GALNT15: variants seen among roughly 807,000 people sequenced by gnomAD.
The protein encoded by GALNT15 is polypeptide N-acetylgalactosaminyltransferase 15, also known as UDP-GalNAc transferase T15.
GALNT15 carries 67 observed loss-of-function variants against 66.8 expected under a neutral mutation model. The ratio of observed to expected loss-of-function variants is 1.00; its 90% confidence interval spans 0.82 to 1.23. The LOEUF (loss-of-function observed/expected upper bound fraction) is 1.23, where lower values mean the gene tolerates loss of function less well. GALNT15 is among the 50% of genes most tolerant of loss of function. The pLI is 0.00. For missense variants in GALNT15, 827 were observed against 804.3 expected (o/e 1.03, Z -0.34); for synonymous variants, 313 against 311.5 (o/e 1.00, Z -0.05).
At chr3:16,205,632 G>A (rs1289250289) in intron 3 of GALNT15, among the ~76,000 whole-genome samples, 4 of 152,194 alleles carry the variant, frequency 2.6e-5, no homozygotes, top group African/African-American at 9.7e-5. Context: ...TGCTTGACGT[G>A]AATTCCAAGA....
At chr3:16,185,868 G>A (rs2063511903) in intron 1 of GALNT15, among the ~76,000 whole-genome samples, 1 of 152,124 alleles carries the variant, frequency 6.6e-6, no homozygotes, top group South Asian at 2.1e-4. Context: ...CTGGGCTCTA[G>A]TTTCCTCATC....
In GALNT15 at chr3:16,229,752, T is replaced by A. The variant is rs2064064336; in HGVS notation, c.*2252T>A. 1 of 981,302 alleles carries A rather than the reference T, an allele frequency of 1.0e-6. No individual in the cohort carries two copies. Among genetic ancestry groups the A allele is most frequent in the Non-Finnish European group, 1.2e-6 (1 of 826,332 alleles). 60.8% of individuals were successfully genotyped at this position (981,302 alleles called of 1,614,324 possible). A position where few individuals can be genotyped will look rare whatever the true frequency, so the allele number is the denominator to read the frequency against. ...AAAGACTGAATTTAATTGCATAAAT[T>A]GTATTAGGTGGCAATTAACAAAAGG... On this transcript the variant is annotated 3_prime_UTR_variant, in exon 10 of 10. Transcript: ENST00000339732.
the GALNT15 span, among the ~76,000 whole-genome samples, chr3:16,241,644 G>C: frequency 6.6e-6 from 1 of 152,142 alleles, no homozygotes; most frequent in East Asian, 1.9e-4. This position sits in a 1 kb window ranked among gnomAD's most constrained non-coding sequence, Gnocchi z 4.6. Context: ...TGCCTCCTGG[G>C]TTCAAGCGAT....
intron 1 of GALNT15, among the ~76,000 whole-genome samples, chr3:16,178,432 G>A (rs912393070): frequency 6.6e-6 from 1 of 152,288 alleles, no homozygotes. Context: ...CCCTGCGAAG[G>A]GAGACGATTG....
At chr3:16,178,819 C>T (rs998684243) in intron 1 of GALNT15, among the ~76,000 whole-genome samples, 9 of 152,336 alleles carry the variant, frequency 5.9e-5, no homozygotes, top group Non-Finnish European at 8.8e-5. Context: ...ACCAGCAGAG[C>T]GCTAGGACAT....
chr3:16,218,808 CTCTTTT>C (rs1380208467), intron 6 of GALNT15, among the ~76,000 whole-genome samples: 13 of 131,168 alleles, frequency 9.9e-5, no homozygotes, highest in African/African-American at 3.3e-4. Flanking sequence ...CTCTCTCTCT[CTCTTTT>C]TTTTTTTTTT....
intron 6 of GALNT15, among the ~76,000 whole-genome samples, chr3:16,214,127 C>T (rs1046912915): frequency 2.6e-5 from 4 of 152,238 alleles, no homozygotes; most frequent in Admixed American, 1.3e-4. Context: ...AGGAGAAATG[C>T]TGCTAACAGC....
At chr3:16,199,719 C>T (rs1469108857) in intron 2 of GALNT15, among the ~76,000 whole-genome samples, 2 of 152,160 alleles carry the variant, frequency 1.3e-5, no homozygotes, top group African/African-American at 2.4e-5. Flanking sequence ...ACAGGCTGCA[C>T]TGCGGGGTCT....
intron 2 of GALNT15, among the ~76,000 whole-genome samples, chr3:16,197,467 G>C (rs1167642380): frequency 2.0e-5 from 3 of 152,176 alleles, no homozygotes; most frequent in Admixed American, 6.5e-5. Flanking sequence ...CCAAGACCCA[G>C]ATCCCAGACA....
chr3:16,210,987 A>G (rs1276138792), intron 4 of GALNT15, 137 bp from the exon 5 acceptor site: 4 of 631,182 alleles, frequency 6.3e-6, no homozygotes, highest in African/African-American at 3.7e-5. Flanking sequence ...CTTGCAATTA[A>G]AAAATTGCAT....
intron 6 of GALNT15, among the ~76,000 whole-genome samples, chr3:16,216,477 A>G (rs2063879323): frequency 6.8e-6 from 1 of 146,586 alleles, no homozygotes; most frequent in South Asian, 2.2e-4. Context: ...TTAGCCTGCG[A>G]GCCAGAGCAA....
the GALNT15 span, among the ~76,000 whole-genome samples, chr3:16,239,178 G>GC: frequency 4.6e-5 from 7 of 152,112 alleles, 1 homozygote; most frequent in South Asian, 4.1e-4. The surrounding 1 kb of genome is among the most constrained non-coding windows in gnomAD (Gnocchi z 5.2). Flanking sequence ...TTTCCCAGAA[G>GC]CCCCCCAGCA....
At position 16,195,339 on chromosome 3, in the gene GALNT15, C is replaced by T. The variant is rs1340618752; in HGVS notation, c.540-421C>T. ...TGTTAGAAATGCAAATTCTTCAGCC[C>T]CACTCCATCTCCAGAAACTCTGGGG... On this transcript the variant is annotated intron_variant, in intron 1 of 9. Transcript: ENST00000339732. The surrounding 1 kb of genome is among the most constrained non-coding windows in gnomAD (Gnocchi z 4.6). 6.6e-6 allele frequency among the ~76,000 whole-genome samples: 1 copy of T among 152,098 alleles called. No homozygotes were observed. Among genetic ancestry groups the T allele is most frequent in the African/African-American group, 2.4e-5 (1 of 41,360 alleles).
At chr3:16,197,603 A>G (rs1269338897) in intron 2 of GALNT15, among the ~76,000 whole-genome samples, 3 of 152,160 alleles carry the variant, frequency 2.0e-5, no homozygotes, top group African/African-American at 7.2e-5. Context: ...GCCCTGAGCC[A>G]CCTTGATGGG....
At position 16,182,749 on chromosome 3, in the gene GALNT15, G is replaced by A. The variant is rs144039222; in HGVS notation, c.539+7059G>A. On this transcript the variant is annotated intron_variant, in intron 1 of 9. Coordinates refer to ENST00000339732, the MANE Select transcript of GALNT15 (RefSeq NM_054110.5). The surrounding 1 kb of genome is among the most constrained non-coding windows in gnomAD (Gnocchi z 6.1). ...ATCAGCATTACCTGGGAGCTCACCA[G>A]AAATGCAGAATCTCAGGCCCCACCC... 1,099 of 152,464 alleles carry A rather than the reference G, an allele frequency of 7.2e-3. 4 individuals are homozygous for A. Among genetic ancestry groups the A allele is most frequent in the Non-Finnish European group, 0.011 (779 of 68,150 alleles). 9.4% of individuals were successfully genotyped at this position (152,464 alleles called of 1,614,324 possible).
intron 2 of GALNT15, among the ~76,000 whole-genome samples, chr3:16,197,933 T>C (rs1296645190): frequency 1.4e-5 from 2 of 144,468 alleles, no homozygotes; most frequent in Admixed American, 1.4e-4. Context: ...ATTCCGAAGC[T>C]CTCTTGCTAG....
the GALNT15 span, among the ~76,000 whole-genome samples, chr3:16,247,518 A>C: frequency 2.6e-5 from 4 of 152,330 alleles, 1 homozygote; most frequent in South Asian, 8.3e-4. Context: ...GAACCAGGTC[A>C]GCCTGCAACA....
At position 16,187,467 on chromosome 3, in the gene GALNT15, C is replaced by T. The variant is rs1473267431; in HGVS notation, c.540-8293C>T. Among the ~76,000 whole-genome samples the T allele has an allele frequency of 1.3e-5, 2 of 152,132 alleles. No individual in the cohort carries two copies. Reference sequence around the variant, plus strand: ...CTGATGCTGGTCCTCAGCTGGGGCACTTTAGTTTTTCTTCAAGCAGACTGT... The same window carrying T: ...CTGATGCTGGTCCTCAGCTGGGGCATTTTAGTTTTTCTTCAAGCAGACTGT... On this transcript the variant is annotated intron_variant, in intron 1 of 9. Coordinates refer to ENST00000339732, the MANE Select transcript of GALNT15 (RefSeq NM_054110.5). This position sits in a 1 kb window ranked among gnomAD's most constrained non-coding sequence, Gnocchi z 5.1.
chr3:16,243,510 G>T, the GALNT15 span, among the ~76,000 whole-genome samples: 1 of 152,200 alleles, frequency 6.6e-6, no homozygotes, highest in East Asian at 1.9e-4. Context: ...ATGCCCACCC[G>T]CCAGCACCAC....
Sources: allele counts gnomAD v4.1 joint callset (sites outside exome capture counted in the v4.1 genomes callset), GRCh38; gene constraint gnomAD v4.1.1; non-coding constraint Gnocchi (gnomAD v3.1); transcripts MANE v1.5; gene names NCBI Gene and HGNC (gene_info 2026-07-23, HGNC 2026-07-21).